Variants in POLA2 observed in about 807,000 individuals in gnomAD.
POLA2 encodes DNA polymerase alpha 2, accessory subunit, also known as DNA polymerase alpha subunit B.
A neutral mutation model predicts 82.8 loss-of-function variants in POLA2; 47 were observed. The observed-to-expected ratio is 0.57, with a 90% CI of 0.45 to 0.72. The LOEUF is 0.72. POLA2 is among the 30% of genes least tolerant of loss of function. The probability of loss-of-function intolerance (pLI) is 0.00; values close to 1 mark genes in which losing one functional copy is unlikely to be tolerated. For synonymous variants in POLA2, 287 were observed against 286.8 expected (o/e 1.00, Z -0.01); for missense variants, 634 against 728.1 (o/e 0.87, Z 1.49).
intron 4 of POLA2, among the ~76,000 whole-genome samples, chr11:65,272,147 A>C (rs1241501285): frequency 3.9e-5 from 6 of 152,186 alleles, no homozygotes; most frequent in Admixed American, 3.3e-4. Context: ...CCATCGCTAC[A>C]AAAGTACAAA....
intron 8 of POLA2, among the ~76,000 whole-genome samples, chr11:65,304,438 TCCAC>T (rs906021331): frequency 8.0e-6 from 1 of 125,306 alleles, no homozygotes; most frequent in Non-Finnish European, 1.6e-5. Context: ...CACCCAACCA[TCCAC>T]CCACCCACCC....
At chr11:65,304,154 ACCATCCACCCAT>A (rs1215409365) in intron 8 of POLA2, among the ~76,000 whole-genome samples, 2 of 151,968 alleles carry the variant, frequency 1.3e-5, no homozygotes, top group Non-Finnish European at 2.9e-5. Flanking sequence ...CCGGCATCCT[ACCATCCACCCAT>A]CCGTCCACCC....
chr11:65,301,807 G>C (rs1949860662), downstream of POLA2, among the ~76,000 whole-genome samples: 1 of 152,200 alleles, frequency 6.6e-6, no homozygotes, highest in Non-Finnish European at 1.5e-5. Flanking sequence ...ACTCCCAGCT[G>C]CATTCAGGCA....
intron 8 of POLA2, 72 bp downstream of exon 8, chr11:65,281,219 G>C: frequency 1.4e-6 from 2 of 1,460,164 alleles, no homozygotes; most frequent in Non-Finnish European, 1.9e-6. Context: ...TGTGCCATGC[G>C]CAGCTGCTCC....
chr11:65,263,459 A>G (rs1236345934), intron 1 of POLA2, among the ~76,000 whole-genome samples: 1 of 152,088 alleles, frequency 6.6e-6, no homozygotes, highest in Non-Finnish European at 1.5e-5. Context: ...CCTGACCTCA[A>G]GTGATCCACC....
intron 11 of POLA2, among the ~76,000 whole-genome samples, chr11:65,288,829 C>T (rs1353813462): frequency 6.6e-6 from 1 of 152,176 alleles, no homozygotes; most frequent in Non-Finnish European, 1.5e-5. Context: ...GGTTATGGGG[C>T]TCTGGGAGCC....
intron 10 of POLA2, 82 bp downstream of exon 10, chr11:65,282,603 A>G: frequency 3.4e-6 from 4 of 1,175,192 alleles, no homozygotes; most frequent in Non-Finnish European, 5.1e-6. Context: ...CAAGCCCAAG[A>G]AAGCTGCAGA....
At position 65,279,627 on chromosome 11, in the gene POLA2, G is replaced by GT. The variant is rs1565478927; in HGVS notation, c.744+2dup. ...CACTCCTTTGCTAGCCCCAGCACAG[G>GT]TAAGAGTTGTTCTAATAGTTCTCAC... On this transcript the variant is annotated splice_donor_variant, in intron 7 of 17. Coordinates refer to ENST00000265465, the MANE Select transcript of POLA2 (RefSeq NM_002689.4). LOFTEE classifies it high-confidence loss of function. The GT allele has an allele frequency of 1.2e-6, 2 of 1,602,998 alleles. No individual in the cohort carries two copies. The highest frequency in any genetic ancestry group is 1.7e-6 in the Non-Finnish European group (2 of 1,170,964).
chr11:65,283,145 A>C (rs1160502945), intron 10 of POLA2, among the ~76,000 whole-genome samples: 1 of 152,110 alleles, frequency 6.6e-6, no homozygotes, highest in African/African-American at 2.4e-5. Context: ...AAAAAATTAA[A>C]ATTAATTAAT....
chr11:65,279,680 G>A (rs779343588), intron 7 of POLA2, 54 bp downstream of exon 7: 2 of 1,189,816 alleles, frequency 1.7e-6, no homozygotes, highest in Non-Finnish European at 2.5e-6. Context: ...TTAAATCGAT[G>A]ACCAAGAGGC....
At chr11:65,300,771 A>G (rs1330358739), downstream of POLA2, among the ~76,000 whole-genome samples, 1 of 152,096 alleles carries the variant, frequency 6.6e-6, no homozygotes, top group African/African-American at 2.4e-5. Flanking sequence ...TAGTAGAGAC[A>G]GGGTTTCACC....
chr11:65,304,714 T>C (rs1486594884), intron 8 of POLA2, among the ~76,000 whole-genome samples: 1 of 152,036 alleles, frequency 6.6e-6, no homozygotes, highest in Non-Finnish European at 1.5e-5. Flanking sequence ...ATCGCAGGGC[T>C]CATGGAGGAG....
chr11:65,287,808 A>G lies in POLA2; in HGVS notation c.1099A>G (p.Ile367Val). 1.2e-6 allele frequency: 2 copies of G among 1,613,932 alleles called. No homozygotes were observed. Among genetic ancestry groups the G allele is most frequent in the Non-Finnish European group, 8.5e-7 (1 of 1,179,944 alleles). Residue 367 changes from isoleucine to valine, a missense_variant, in exon 11 of 18, where the codon ATC (isoleucine) becomes GTC (valine). Ile to Val is a conservative substitution (Grantham distance 29). Transcript: ENST00000265465. Reference sequence around the variant, plus strand: ...CCCCCTGCTTGACCTGATTGCTGTCATCAACCATGACCGGCCAGATGTCTG... The same window carrying G: ...CCCCCTGCTTGACCTGATTGCTGTCGTCAACCATGACCGGCCAGATGTCTG... ...YDPLLDLIAVINHDRPDVCIL... is the reference protein window; with the variant it reads ...YDPLLDLIAVVNHDRPDVCIL...
At chr11:65,271,700 C>T (rs1949522824) in intron 4 of POLA2, among the ~76,000 whole-genome samples, 1 of 151,680 alleles carries the variant, frequency 6.6e-6, no homozygotes, top group African/African-American at 2.4e-5. Context: ...ATTAGCTGGG[C>T]ATGGTGGTGG....
chr11:65,262,350 G>T lies in POLA2; in HGVS notation c.58G>T (p.Glu20Ter). 1 of 1,613,806 alleles carries T rather than the reference G, an allele frequency of 6.2e-7. No homozygotes were observed. ...GCTGCAGATCTTCGGCCTAGACTGC[G>T]AGGAGGCTCTAATTGAGAAATGTGA... ...EELQIFGLDCEEALIEKLVEL... is the reference protein window; with the variant it reads ...EELQIFGLDC Residue 20 changes from glutamate to a stop codon, truncating the protein, a stop_gained, in exon 1 of 18, where the codon GAG becomes TAG. Coordinates refer to ENST00000265465, the MANE Select transcript of POLA2 (RefSeq NM_002689.4). LOFTEE classifies it high-confidence loss of function.
chr11:65,281,625 A>G, intron 8 of POLA2, 45 bp from the exon 9 acceptor site: 1 of 1,356,342 alleles, frequency 7.4e-7, no homozygotes, highest in South Asian at 1.2e-5. Flanking sequence ...TCCAGACCTC[A>G]TTGATCTCCA....
chr11:65,279,583 A>G lies in POLA2; in HGVS notation c.701A>G (p.His234Arg), dbSNP rs1454656464. ...IEELGSELKE[H>R]YKIEAFTPLL... ...GAACTTGGCAGCGAACTCAAGGAACATTACAAGATTGAAGCTTTCACTCCT... is the reference window on the plus strand; with the variant it reads ...GAACTTGGCAGCGAACTCAAGGAACGTTACAAGATTGAAGCTTTCACTCCT... Residue 234 changes from histidine (H) to arginine (R), a missense_variant, in exon 7 of 18, where the codon CAT becomes CGT. Transcript: ENST00000265465. The G allele has an allele frequency of 6.2e-7, 1 of 1,613,808 alleles. No individual in the cohort carries two copies. The highest frequency in any genetic ancestry group is 1.7e-5 in the Admixed American group (1 of 59,994).
chr11:65,281,249 C>A, intron 8 of POLA2, 102 bp downstream of exon 8: 1 of 1,233,444 alleles, frequency 8.1e-7, no homozygotes, highest in Non-Finnish European at 1.2e-6. Context: ...GTCTCTGCTG[C>A]CATGGGGTGC....
chr11:65,277,069 A>T (rs1290733503), intron 5 of POLA2, among the ~76,000 whole-genome samples: 1 of 151,856 alleles, frequency 6.6e-6, no homozygotes, highest in Admixed American at 6.6e-5. Context: ...GATGTCAAGC[A>T]TGTGCCACTG....
Sources: gnomAD v4.1 joint callset for allele counts (sites outside exome capture counted in the v4.1 genomes callset) on GRCh38, gnomAD v4.1.1 for gene constraint, MANE v1.5 for transcripts, NCBI Gene and HGNC (gene_info 2026-07-23, HGNC 2026-07-21) for gene names.